The following GPATCH8 variants were observed in gnomAD, a reference collection of about 807,000 sequenced individuals.
GPATCH8 encodes the protein G-patch domain containing 8, also known as G patch domain-containing protein 8.
Under a neutral mutation model 118.3 loss-of-function variants are expected in GPATCH8, and 18 were observed. The observed-to-expected ratio is 0.15, with a 90% CI of 0.11 to 0.23. GPATCH8 has a LOEUF of 0.23. GPATCH8 is among the 10% of genes least tolerant of loss of function. The pLI, the probability that GPATCH8 is intolerant of heterozygous loss-of-function variation, is 1.00. For missense variants in GPATCH8, 1,631 were observed against 1,873.8 expected, an observed-to-expected ratio of 0.87 and a Z score of 2.39; for synonymous variants, 659 against 684.7, an observed-to-expected ratio of 0.96 and a Z score of 0.59.
rs1164701911 is a variant in GPATCH8, at chr17:44,397,203, A to C, written c.*365T>G. 2 of 469,620 alleles carry C rather than the reference A, an allele frequency of 4.3e-6. No individual in the cohort carries two copies. The highest frequency in any genetic ancestry group is 1.5e-5 in the South Asian group (1 of 64,602). The allele number at this position is 469,620 out of a possible 1,614,324, so 29.1% of individuals were successfully genotyped here. ...CAACCCACTGGCCAGAGGGGAGGAA[A>C]ATGTTTTAAAATTTACAGAAGGGAA... On this transcript the variant is annotated 3_prime_UTR_variant, in exon 8 of 8. Coordinates refer to ENST00000591680, the MANE Select transcript of GPATCH8 (RefSeq NM_001002909.4).
At position 44,399,272 on chromosome 17, in the gene GPATCH8, A is replaced by G. The variant is rs1567927494; in HGVS notation, c.2805T>C (p.Tyr935=). The G allele has an allele frequency of 3.1e-6, 5 of 1,613,864 alleles. No homozygotes were observed. The highest frequency in any genetic ancestry group is 1.6e-4 in the Middle Eastern group (1 of 6,062). Residue 935 remains tyrosine (Y), a synonymous_variant, in exon 8 of 8, where the codon TAT becomes TAC. Coordinates refer to ENST00000591680, the MANE Select transcript of GPATCH8 (RefSeq NM_001002909.4). ...RHKYSSSDDD[Y]SLSCSQSRSR... Reference sequence around the variant, plus strand: ...TTCGGGACTGGCTGCAACTGAGGCTATAGTCATCATCAGAAGATGAATATT... The same window carrying G: ...TTCGGGACTGGCTGCAACTGAGGCTGTAGTCATCATCAGAAGATGAATATT...
In GPATCH8 at chr17:44,400,247, C is replaced by T; in HGVS notation, c.1830G>A (p.Glu610=). ...CGCCCACTTCCTTGCTTTTATTTGG[C>T]TCACCAGGATCTAGGCCTTGGAGAT... is the stretch of plus-strand genomic sequence containing the variant. ...KDHLQGLDPG[E]PNKSKEVGGE... Residue 610 remains glutamate (E), a synonymous_variant, in exon 8 of 8, where the codon GAG becomes GAA. Transcript: ENST00000591680. 1.2e-6 allele frequency: 2 copies of T among 1,614,192 alleles called. No individual in the cohort carries two copies. Among genetic ancestry groups the T allele is most frequent in the South Asian group, 2.2e-5 (2 of 91,084 alleles).
At chr17:44,409,545 C>T (rs1023901180) in intron 6 of GPATCH8, among the ~76,000 whole-genome samples, 13 of 152,318 alleles carry the variant, frequency 8.5e-5, no homozygotes, top group Admixed American at 2.6e-4. Flanking sequence ...TAGCAGCTAT[C>T]GTACTTTGTT....
intron 7 of GPATCH8, among the ~76,000 whole-genome samples, chr17:44,402,784 G>A (rs1293082694): frequency 1.3e-5 from 2 of 152,148 alleles, no homozygotes; most frequent in African/African-American, 2.4e-5. Context: ...CCTGGGTACC[G>A]TAACAAGCAT....
At chr17:44,473,814 A>G (rs976240355) in intron 2 of GPATCH8, 1 of 152,242 alleles carries the variant, frequency 6.6e-6, no homozygotes, top group African/African-American at 2.4e-5. Context: ...GTAAACATCT[A>G]AACACACATA....
rs144517187 is a variant in GPATCH8 at position 44,438,871 on chromosome 17, G to A, written c.194-2326C>T. Among the ~76,000 whole-genome samples, 538 of 152,244 alleles carry A rather than the reference G, an allele frequency of 3.5e-3. 3 individuals carry two copies. The highest frequency in any genetic ancestry group is 0.013 in the Admixed American group (197 of 15,278). On this transcript the variant is annotated intron_variant, in intron 3 of 7. Coordinates refer to ENST00000591680, the MANE Select transcript of GPATCH8 (RefSeq NM_001002909.4). ...AGGAAGGACATTTTGTGCTACAGCA[G>A]CTGTTTTCATACTGGTCAGACCAAG...
At chr17:44,456,469 G>A (rs2051334943) in intron 3 of GPATCH8, among the ~76,000 whole-genome samples, 1 of 151,772 alleles carries the variant, frequency 6.6e-6, no homozygotes, top group Non-Finnish European at 1.5e-5. Context: ...AGCCTAAATT[G>A]TAACATTACA....
chr17:44,479,410 A>AT (rs1968031522), intron 1 of GPATCH8, among the ~76,000 whole-genome samples: 1 of 152,186 alleles, frequency 6.6e-6, no homozygotes, highest in African/African-American at 2.4e-5. Context: ...TGCAATACAA[A>AT]TCAGGATTAA....
At chr17:44,497,177 T>C (rs1969718104) in intron 1 of GPATCH8, among the ~76,000 whole-genome samples, 1 of 152,346 alleles carries the variant, frequency 6.6e-6, no homozygotes, top group East Asian at 1.9e-4. Flanking sequence ...TACTTCAAGC[T>C]AGAAACCATT....
At chr17:44,416,220 A>G (rs1454067487) in intron 6 of GPATCH8, among the ~76,000 whole-genome samples, 1 of 152,104 alleles carries the variant, frequency 6.6e-6, no homozygotes, top group African/African-American at 2.4e-5. Context: ...CATGTTGGCC[A>G]GGCTGGTCTC....
rs200437464 is a variant in GPATCH8, at chr17:44,477,650, A to G, written c.46-2747T>C. Among the ~76,000 whole-genome samples the G allele has an allele frequency of 8.6e-5, 12 of 140,300 alleles. 1 individual carries two copies. The East Asian group carries it at 1.7e-3, about 20-fold the overall frequency. The allele number at this position is 140,300 out of a possible 152,430, so 92.0% of individuals were successfully genotyped here. On this transcript the variant is annotated intron_variant, in intron 1 of 7. Transcript: ENST00000591680. ...AAAGTCTATCCAAATAAAGAAAGGG[A>G]AAAAAAAGAAGAAAAATGGAATAGC...
chr17:44,453,492 TAG>T (rs879528873), intron 3 of GPATCH8, among the ~76,000 whole-genome samples: 7,119 of 128,918 alleles, frequency 0.055, 249 homozygotes, highest in Middle Eastern at 0.099. Context: ...GGTAGGTAGG[TAG>T]GTAGGGGTGT....
chr17:44,418,579 C>T (rs1428318062), intron 6 of GPATCH8, among the ~76,000 whole-genome samples: 2 of 152,046 alleles, frequency 1.3e-5, no homozygotes, highest in African/African-American at 4.8e-5. Flanking sequence ...CTCAGCCTCC[C>T]CAGTAGCTGG....
chr17:44,443,001 C>T (rs911005076), intron 3 of GPATCH8, among the ~76,000 whole-genome samples: 1 of 152,172 alleles, frequency 6.6e-6, no homozygotes, highest in Non-Finnish European at 1.5e-5. Context: ...AGAAGGACCA[C>T]TTGAGCCCAG....
At position 44,396,812 on chromosome 17, in the gene GPATCH8, C is replaced by A; in HGVS notation, c.*756G>T. 2.2e-6 allele frequency: 1 copy of A among 454,422 alleles called. No homozygotes were observed. The highest frequency in any genetic ancestry group is 4.4e-6 in the Non-Finnish European group (1 of 226,772). The allele number at this position is 454,422 out of a possible 1,614,324, so 28.1% of individuals were successfully genotyped here. On this transcript the variant is annotated 3_prime_UTR_variant, in exon 8 of 8. Transcript: ENST00000591680. ...CTATAAATTAAGAAGGAAACATCAA[C>A]ACAACAGAAGAAAATATACCCTTCA...
At chr17:44,461,388 T>C (rs1381044274) in intron 3 of GPATCH8, among the ~76,000 whole-genome samples, 1 of 151,952 alleles carries the variant, frequency 6.6e-6, no homozygotes, top group Non-Finnish European at 1.5e-5. Context: ...TCTTGCTATA[T>C]TGCCCAGGCT....
At chr17:44,441,433 T>C (rs767527245) in intron 3 of GPATCH8, among the ~76,000 whole-genome samples, 7 of 152,152 alleles carry the variant, frequency 4.6e-5, no homozygotes, top group Non-Finnish European at 1.0e-4. Flanking sequence ...ACAACAAATA[T>C]TGAGTTTTGG....
intron 3 of GPATCH8, among the ~76,000 whole-genome samples, chr17:44,456,569 G>T (rs1030073154): frequency 6.6e-6 from 1 of 152,016 alleles, no homozygotes; most frequent in Non-Finnish European, 1.5e-5. Context: ...ACTGCATGAG[G>T]CCAGGAGTTT....
At chr17:44,442,654 G>C (rs1224792281) in intron 3 of GPATCH8, among the ~76,000 whole-genome samples, 1 of 152,194 alleles carries the variant, frequency 6.6e-6, no homozygotes, top group Non-Finnish European at 1.5e-5. Context: ...TAGTAGAGAT[G>C]GGGTTTCACC....
Sources: allele counts gnomAD v4.1 joint callset (sites outside exome capture counted in the v4.1 genomes callset), GRCh38; gene constraint gnomAD v4.1.1; transcripts MANE v1.5; gene names NCBI Gene and HGNC (gene_info 2026-07-23, HGNC 2026-07-21).